The following DISP1 variants were observed in gnomAD, a reference collection of about 807,000 sequenced individuals.
DISP1 encodes the protein protein dispatched homolog 1.
DISP1 carries 30 observed loss-of-function variants against 37.3 expected under a neutral mutation model. That is an observed-to-expected ratio of 0.80 (90% CI 0.60 to 1.09). The LOEUF is 1.09. Ranked by LOEUF, DISP1 falls within the 50% of genes least tolerant of loss-of-function variation. The pLI, the probability that DISP1 is intolerant of heterozygous loss-of-function variation, is 0.00. For missense variants in DISP1, 1,598 were observed against 1,879.5 expected (o/e 0.85, Z 2.77); for synonymous variants, 634 against 690.2 (o/e 0.92, Z 1.28).
intron 1 of DISP1, among the ~76,000 whole-genome samples, chr1:222,823,342 A>C (rs1663434608): frequency 6.6e-6 from 1 of 152,218 alleles, no homozygotes; most frequent in Non-Finnish European, 1.5e-5. Context: ...ACACACACGA[A>C]TACTGTGCAG....
At chr1:222,918,983 C>T (rs1041611447) in intron 1 of DISP1, among the ~76,000 whole-genome samples, 1 of 152,190 alleles carries the variant, frequency 6.6e-6, no homozygotes, top group Non-Finnish European at 1.5e-5. Flanking sequence ...ATGTACAAAC[C>T]GTGTGGGTGC....
At chr1:222,986,440 A>G (rs1284551408) in intron 4 of DISP1, among the ~76,000 whole-genome samples, 4 of 152,182 alleles carry the variant, frequency 2.6e-5, no homozygotes, top group Admixed American at 2.0e-4. Context: ...TACTTCGTTT[A>G]TTTGTTTTAA....
chr1:222,999,723 C>T (rs553310205), intron 8 of DISP1, among the ~76,000 whole-genome samples: 119 of 152,278 alleles, frequency 7.8e-4, no homozygotes, highest in Non-Finnish European at 1.4e-3. Flanking sequence ...GAACATATGA[C>T]CTTACTCCCT....
chr1:222,879,520 A>G (rs1488268689), intron 1 of DISP1, among the ~76,000 whole-genome samples: 1 of 152,206 alleles, frequency 6.6e-6, no homozygotes, highest in African/African-American at 2.4e-5. Context: ...TTCATATATC[A>G]TAGAATTTTC....
chr1:222,994,276 G>C (rs1417098811), intron 7 of DISP1, among the ~76,000 whole-genome samples: 1 of 152,084 alleles, frequency 6.6e-6, no homozygotes, highest in African/African-American at 2.4e-5. Context: ...GACCATGCAT[G>C]CTCTTTCTGG....
Position 223,003,685 on chromosome 1 carries a change from G to A in DISP1, c.2288G>A (p.Arg763His), listed in dbSNP as rs757727140. Residue 763 changes from arginine to histidine, a missense_variant, in exon 9 of 9, where the codon CGT becomes CAT. Transcript: ENST00000675850. The surrounding 1 kb of genome is among the most constrained non-coding windows in gnomAD (Gnocchi z 4.3). Reference protein sequence around the residue: ...QVFRSSHPFERYDAEYKKLFM... With the variant: ...QVFRSSHPFEHYDAEYKKLFM... The stretch of plus-strand genomic sequence containing the variant: ...TTCCGGTCGTCCCATCCTTTTGAGC[G>A]TTATGATGCTGAATACAAAAAGCTT... The A allele has an allele frequency of 1.5e-5, 24 of 1,613,954 alleles. No homozygotes were observed. In the Admixed American group the frequency reaches 1.5e-4, roughly 10 times the overall value.
chr1:222,920,104 A>G (rs1672729638), intron 1 of DISP1, among the ~76,000 whole-genome samples: 1 of 152,178 alleles, frequency 6.6e-6, no homozygotes, highest in Admixed American at 6.5e-5. Context: ...AACCTTCTCT[A>G]TAAATGTTTG....
At chr1:222,951,218 A>AT (rs1465983670) in intron 3 of DISP1, among the ~76,000 whole-genome samples, 2 of 151,998 alleles carry the variant, frequency 1.3e-5, no homozygotes, top group Non-Finnish European at 2.9e-5. Flanking sequence ...TGCCACCCCC[A>AT]TATGTTATGA....
In DISP1 at chr1:222,935,756, A is replaced by G. The variant is rs140770443; in HGVS notation, c.-17-7051A>G. On this transcript the variant is annotated intron_variant, in intron 2 of 8. Transcript: ENST00000675850. ...GTCTGTGTATTCTCTTCAACAGTAC[A>G]TTTAGATTTTACCTTGGCAGTTTTC... 9.3e-4 allele frequency among the ~76,000 whole-genome samples: 142 copies of G among 152,314 alleles called. 2 individuals are homozygous for G. Among genetic ancestry groups the G allele is most frequent in the African/African-American group, 3.0e-3 (123 of 41,560 alleles).
At chr1:222,843,066 T>C (rs570781882) in intron 1 of DISP1, among the ~76,000 whole-genome samples, 2 of 152,152 alleles carry the variant, frequency 1.3e-5, no homozygotes, top group South Asian at 4.1e-4. Flanking sequence ...GACCTTGCTT[T>C]TATAGACACA....
intron 1 of DISP1, among the ~76,000 whole-genome samples, chr1:222,837,570 C>T (rs1177370017): frequency 6.6e-6 from 1 of 151,894 alleles, no homozygotes; most frequent in Non-Finnish European, 1.5e-5. Context: ...GGGTGGGGCA[C>T]AATGCTAAAT....
At chr1:222,815,359 A>G (rs1660917025) in intron 1 of DISP1, among the ~76,000 whole-genome samples, 1 of 151,902 alleles carries the variant, frequency 6.6e-6, no homozygotes, top group Non-Finnish European at 1.5e-5. Flanking sequence ...TGCGGATGAC[A>G]CGGGGCAGAG....
chr1:222,858,399 C>T (rs1316247974), intron 1 of DISP1, among the ~76,000 whole-genome samples: 1 of 152,072 alleles, frequency 6.6e-6, no homozygotes, highest in Non-Finnish European at 1.5e-5. Context: ...CTAGGCAATA[C>T]CATTCAGGAC....
intron 1 of DISP1, among the ~76,000 whole-genome samples, chr1:222,861,485 G>T (rs931807925): frequency 6.6e-6 from 1 of 152,142 alleles, no homozygotes; most frequent in African/African-American, 2.4e-5. Context: ...AAGAGATTAT[G>T]TAATGTTTAA....
intron 4 of DISP1, among the ~76,000 whole-genome samples, chr1:222,987,076 A>G (rs1217548176): frequency 1.7e-5 from 2 of 114,300 alleles, no homozygotes; most frequent in African/African-American, 6.9e-5. Flanking sequence ...GCATCATCAA[A>G]TATATATATA....
intron 1 of DISP1, among the ~76,000 whole-genome samples, chr1:222,896,001 A>G (rs1671232384): frequency 6.6e-6 from 1 of 152,212 alleles, no homozygotes; most frequent in African/African-American, 2.4e-5. Flanking sequence ...TTCAAAAGAT[A>G]CCATTTAAAA....
At chr1:222,925,803 G>T (rs1673049816) in intron 1 of DISP1, among the ~76,000 whole-genome samples, 1 of 152,118 alleles carries the variant, frequency 6.6e-6, no homozygotes, top group African/African-American at 2.4e-5. Flanking sequence ...AGAATTCTGG[G>T]GGATGGGACT....
At chr1:222,927,568 CTTTG>C (rs1673160521) in intron 1 of DISP1, among the ~76,000 whole-genome samples, 1 of 151,806 alleles carries the variant, frequency 6.6e-6, no homozygotes, top group Non-Finnish European at 1.5e-5. Flanking sequence ...TATCTTTTTT[CTTTG>C]TTTATGCTTT....
chr1:222,934,148 C>T (rs908791512), intron 2 of DISP1, among the ~76,000 whole-genome samples: 2 of 151,922 alleles, frequency 1.3e-5, no homozygotes, highest in Non-Finnish European at 1.5e-5. Context: ...TCTTGTGGTC[C>T]TATAAAAGCT....
Sources: allele counts gnomAD v4.1 joint callset (sites outside exome capture counted in the v4.1 genomes callset), GRCh38; gene constraint gnomAD v4.1.1; non-coding constraint Gnocchi (gnomAD v3.1); transcripts MANE v1.5; gene names NCBI Gene and HGNC (gene_info 2026-07-23, HGNC 2026-07-21).